The following RNASEL variants were observed in gnomAD, a reference collection of about 807,000 sequenced individuals.
The protein encoded by RNASEL is ribonuclease L.
A neutral mutation model predicts 50.9 loss-of-function variants in RNASEL; 36 were observed. The ratio of observed to expected loss-of-function variants is 0.71; its 90% CI spans 0.54 to 0.93. RNASEL has a LOEUF of 0.93. RNASEL is among the 40% of genes least tolerant of loss of function. The pLI, the probability that RNASEL is intolerant of heterozygous loss-of-function variation, is 0.00. For missense variants in RNASEL, 860 were observed against 894.5 expected (o/e 0.96, Z 0.49); for synonymous variants, 335 against 335.6 (o/e 1.00, Z 0.02).
Position 182,586,606 on chromosome 1 carries a change from T to C in RNASEL, c.201A>G (p.Val67=). The C allele has an allele frequency of 6.2e-7, 1 of 1,609,914 alleles. No homozygotes were observed. Among genetic ancestry groups the C allele is most frequent in the Non-Finnish European group, 8.5e-7 (1 of 1,176,828 alleles). Residue 67 remains valine (V), a synonymous_variant, in exon 2 of 7, where the codon GTA becomes GTG. Transcript: ENST00000367559. ...EGGWTPLHNA[V]QMSREDIVEL... ...CCACAATGTCCTCCCTGCTCATTTG[T>C]ACTGCGTTATGCAGAGGTGTCCAGC... is the stretch of plus-strand genomic sequence containing the variant.
Position 182,585,920 on chromosome 1 carries a change from C to A in RNASEL, c.887G>T (p.Gly296Val). Residue 296 changes from glycine to valine, a missense_variant, in exon 2 of 7, where the codon GGA becomes GTA. Transcript: ENST00000367559. ...KKIAELLCKR[G>V]ASTDCGDLVM... ...AAGATCCCCACAATCTGTACTGGCT[C>A]CACGTTTGCACAGCAACTCGGCGAT... 1 of 1,614,154 alleles carries A rather than the reference C, an allele frequency of 6.2e-7. No homozygotes were observed. Among genetic ancestry groups the A allele is most frequent in the Non-Finnish European group, 8.5e-7 (1 of 1,180,012 alleles).
Position 182,585,505 on chromosome 1 carries a change from GAC to G in RNASEL, c.1300_1301del (p.Val434HisfsTer4), listed in dbSNP as rs768720671. 6.2e-7 allele frequency: 1 copy of G among 1,614,154 alleles called. No homozygotes were observed. Among genetic ancestry groups the G allele is most frequent in the Non-Finnish European group, 8.5e-7 (1 of 1,180,022 alleles). On this transcript the variant is annotated frameshift_variant, in exon 2 of 7. Transcript: ENST00000367559. LOFTEE classifies it high-confidence loss of function. ...ESHRGHLFVC[V>X]TLCEQTLEAC... is the part of the protein sequence containing the mutation. ...CTTCCAGAGTCTGCTCACAGAGGGT[GAC>G]ACACACAAACAAGTGGCCCCTGTGG...
chr1:182,579,744 T>C, intron 5 of RNASEL: 1 of 1,174,318 alleles, frequency 8.5e-7, no homozygotes, highest in Non-Finnish European at 1.1e-6. Context: ...AACCAATAAA[T>C]TGGGAAATAA....
At chr1:182,582,438 C>G (rs1487844466) in intron 3 of RNASEL, among the ~76,000 whole-genome samples, 180 bp from the exon 4 acceptor site, 1 of 152,148 alleles carries the variant, frequency 6.6e-6, no homozygotes, top group East Asian at 1.9e-4. Context: ...AGTATATCGC[C>G]CATACCACTT....
In RNASEL at chr1:182,575,224, T is replaced by C. The variant is rs1379621977; in HGVS notation, c.*168A>G. On this transcript the variant is annotated 3_prime_UTR_variant, in exon 7 of 7. Transcript: ENST00000367559. ...TGGACTAGTGTAGTCTGGGTATATA[T>C]TGCTTTTGTTATAGACATATGGAAT... 8.8e-6 allele frequency: 6 copies of C among 679,860 alleles called. No homozygotes were observed. The highest frequency in any genetic ancestry group is 1.6e-5 in the Non-Finnish European group (6 of 381,358). 42.1% of individuals were successfully genotyped at this position (679,860 alleles called of 1,614,324 possible).
intron 1 of RNASEL, among the ~76,000 whole-genome samples, chr1:182,588,628 A>T (rs2102374117): frequency 6.6e-6 from 1 of 152,332 alleles, no homozygotes; most frequent in African/African-American, 2.4e-5. Flanking sequence ...ACCCTTTTTC[A>T]GCAATCTCAC....
Position 182,575,085 on chromosome 1 carries a change from TA to T in RNASEL, c.*306del, listed in dbSNP as rs138930837. On this transcript the variant is annotated 3_prime_UTR_variant, in exon 7 of 7. Transcript: ENST00000367559. ...TGTTTTGCAAGATCATTGGGAAAAT[TA>T]AGTGAGAGAATTGTAACATATGCAG... The T allele has an allele frequency of 0.045, 17,957 of 403,428 alleles. 667 individuals carry two copies. The highest frequency in any genetic ancestry group is 0.16 in the East Asian group (3,921 of 24,000). 25.0% of individuals were successfully genotyped at this position (403,428 alleles called of 1,614,324 possible). A position where few individuals can be genotyped will look rare whatever the true frequency, so the allele number is the denominator to read the frequency against.
intron 5 of RNASEL, chr1:182,579,795 G>A (rs1661455982): frequency 9.4e-7 from 1 of 1,067,652 alleles, no homozygotes; most frequent in Non-Finnish European, 1.3e-6. Context: ...ATCTCTGACT[G>A]TCCAGCATGA....
At position 182,582,263 on chromosome 1, in the gene RNASEL, ACAAAAG is replaced by A; in HGVS notation, c.1567-11_1567-6del. On this transcript the variant is annotated splice_polypyrimidine_tract_variant and splice_region_variant and intron_variant, in intron 3 of 6. Transcript: ENST00000367559. ...GAGGACCAGCCGTCCAAGGTCCTGC[ACAAAAG>A]CCATAAATCAAGCCAAAGATGCTTA... 6.2e-7 allele frequency: 1 copy of A among 1,614,164 alleles called. No homozygotes were observed. Among genetic ancestry groups the A allele is most frequent in the Non-Finnish European group, 8.5e-7 (1 of 1,179,970 alleles).
chr1:182,583,791 G>GGACTTACA (rs997636931), intron 3 of RNASEL, among the ~76,000 whole-genome samples: 13 of 152,296 alleles, frequency 8.5e-5, no homozygotes, highest in African/African-American at 2.9e-4. Flanking sequence ...CCAGTGGTTT[G>GGACTTACA]CCAGGGGCTT....
chr1:182,585,574 G>T lies in RNASEL; in HGVS notation c.1233C>A (p.Ser411Arg), dbSNP rs1571269370. ...ATGTCACCAAGTGACTGTTCTCTCG[G>T]CTGCTTTGCAGACAAGAGACTTCCC... Reference protein sequence around the residue: ...AQREVSCLQSSRENSHLVTFY... With the variant: ...AQREVSCLQSRRENSHLVTFY... The change falls in exon 2 of 7, where the codon AGC (serine) becomes AGA (arginine). Residue 411 changes from serine (S) to arginine (R), a missense_variant. Ser to Arg is a moderately radical substitution (Grantham distance 110). Transcript: ENST00000367559. 6.2e-7 allele frequency: 1 copy of T among 1,614,188 alleles called. No individual in the cohort carries two copies. Among genetic ancestry groups the T allele is most frequent in the East Asian group, 2.2e-5 (1 of 44,876 alleles).
intron 5 of RNASEL, chr1:182,580,025 T>C (rs1263013803): frequency 6.6e-6 from 3 of 455,370 alleles, no homozygotes; most frequent in Non-Finnish European, 1.3e-5. Flanking sequence ...ATATAGATGA[T>C]TGTCTCAGAA....
chr1:182,576,104 A>G (rs1043185019), intron 6 of RNASEL, 152 bp downstream of exon 6: 8 of 702,650 alleles, frequency 1.1e-5, no homozygotes, highest in Non-Finnish European at 1.9e-5. Context: ...GTAAGGCAAC[A>G]GTGATAGCCC....
chr1:182,585,239 G>C, intron 2 of RNASEL, 88 bp downstream of exon 2: 1 of 1,274,468 alleles, frequency 7.8e-7, no homozygotes, highest in Non-Finnish European at 1.1e-6. Context: ...ATTTACTCTA[G>C]GCCTTTCCTC....
rs1409389605 is a variant in RNASEL at position 182,575,581 on chromosome 1, GAAATAAAACAC to G, written c.2040-14_2040-4del. The G allele has an allele frequency of 6.2e-7, 1 of 1,614,072 alleles. No homozygotes were observed. The highest frequency in any genetic ancestry group is 1.1e-5 in the South Asian group (1 of 91,060). On this transcript the variant is annotated splice_region_variant and splice_polypyrimidine_tract_variant and intron_variant, in intron 6 of 6. Coordinates refer to ENST00000367559, the MANE Select transcript of RNASEL (RefSeq NM_021133.4). ...GGTCTCCAATTTTTAATTTCATCCT[GAAATAAAACAC>G]AAATTGTTCAGCATGCTTGCCCCAA...
intron 5 of RNASEL, chr1:182,579,666 G>A: frequency 9.6e-6 from 11 of 1,144,518 alleles, no homozygotes; most frequent in Non-Finnish European, 1.2e-5. Flanking sequence ...GAATTAAAAG[G>A]TAAAACTTGA....
In RNASEL at chr1:182,576,317, C is replaced by T; in HGVS notation, c.1978G>A (p.Gly660Ser). The change falls in exon 6 of 7, where the codon GGT (glycine) becomes AGT (serine). Residue 660 changes from glycine (G) to serine (S), a missense_variant. Gly to Ser is a moderately conservative substitution (Grantham distance 56). Coordinates refer to ENST00000367559, the MANE Select transcript of RNASEL (RefSeq NM_021133.4). The stretch of plus-strand genomic sequence containing the variant: ...TTCCGGATGAACTTTAGCAGATCAC[C>T]CACAGTGTTCTGGTAGAAATTGCCT... ...KRGNFYQNTV[G>S]DLLKFIRNLG... 3.1e-6 allele frequency: 5 copies of T among 1,610,228 alleles called. No homozygotes were observed. In the South Asian group the frequency reaches 5.5e-5, roughly 18 times the overall value.
intron 4 of RNASEL, among the ~76,000 whole-genome samples, chr1:182,581,728 C>G (rs921049876): frequency 6.6e-6 from 1 of 151,988 alleles, no homozygotes; most frequent in Non-Finnish European, 1.5e-5. Flanking sequence ...GATCCACCCG[C>G]CTCGGCCTCC....
chr1:182,586,226 T>A lies in RNASEL; in HGVS notation c.581A>T (p.Asp194Val), dbSNP rs774281968. 1 of 1,614,222 alleles carries A rather than the reference T, an allele frequency of 6.2e-7. No homozygotes were observed. The highest frequency in any genetic ancestry group is 1.1e-5 in the South Asian group (1 of 91,082). Residue 194 changes from aspartate (D) to valine (V), a missense_variant, in exon 2 of 7, where the codon GAT becomes GTT. Asp to Val is a radical substitution (Grantham distance 152, BLOSUM62 -3). Transcript: ENST00000367559. The stretch of plus-strand genomic sequence containing the variant: ...GCCCATATTGTCACAGGCGTTTACA[T>A]CTGCCCCCATCTCATCAAGGAGAAT... ...LKILLDEMGADVNACDNMGRN... is the reference protein window; with the variant it reads ...LKILLDEMGAVVNACDNMGRN...
Sources: allele counts gnomAD v4.1 joint callset (sites outside exome capture counted in the v4.1 genomes callset), GRCh38; gene constraint gnomAD v4.1.1; transcripts MANE v1.5; gene names NCBI Gene and HGNC (gene_info 2026-07-23, HGNC 2026-07-21).